Variants in CSGALNACT2 observed in about 807,000 individuals in gnomAD.
CSGALNACT2 encodes the protein beta 4 GalNAcT-2.
CSGALNACT2 carries 35 observed loss-of-function variants against 55.3 expected under a neutral mutation model. The ratio of observed to expected loss-of-function variants is 0.63; its 90% confidence interval spans 0.48 to 0.84. The LOEUF (loss-of-function observed/expected upper bound fraction) is 0.84. Ranked by LOEUF, CSGALNACT2 falls within the 40% of genes least tolerant of loss-of-function variation. CSGALNACT2 has a pLI of 0.00. For missense variants in CSGALNACT2, 544 were observed against 657.5 expected, an observed-to-expected ratio of 0.83 and a Z score of 1.89; for synonymous variants, 196 against 224.9, an observed-to-expected ratio of 0.87 and a Z score of 1.15.
intron 5 of CSGALNACT2, among the ~76,000 whole-genome samples, chr10:43,166,513 G>A (rs752884602): frequency 2.0e-5 from 3 of 152,116 alleles, no homozygotes; most frequent in African/African-American, 4.8e-5. Context: ...TTGTCTTCCC[G>A]ACTTTTCCAG....
At chr10:43,141,684 G>A (rs1338782139) in intron 1 of CSGALNACT2, among the ~76,000 whole-genome samples, 8 of 142,454 alleles carry the variant, frequency 5.6e-5, no homozygotes, top group African/African-American at 2.1e-4. Context: ...GACATGCAAA[G>A]TAGATCTAGA....
In CSGALNACT2 at chr10:43,169,931, A is replaced by C. The variant is rs72783218; in HGVS notation, c.1254+2833A>C. ...TGATTCTAGAATTCATATTCAACCT[A>C]CTATTTTAGGACAAAATAGACATTT... On this transcript the variant is annotated intron_variant, in intron 6 of 7. Transcript: ENST00000374466. Among the ~76,000 whole-genome samples, 1,013 of 152,300 alleles carry C rather than the reference A, an allele frequency of 6.7e-3. 8 individuals carry two copies. The highest frequency in any genetic ancestry group is 0.014 in the Middle Eastern group (4 of 294).
chr10:43,179,282 T>C (rs1049481338), intron 7 of CSGALNACT2, among the ~76,000 whole-genome samples: 34 of 151,772 alleles, frequency 2.2e-4, no homozygotes, highest in African/African-American at 7.5e-4. Context: ...ATGTCACATC[T>C]TCTTGTTTCT....
chr10:43,141,765 A>G (rs759651699), intron 1 of CSGALNACT2, among the ~76,000 whole-genome samples: 1 of 152,176 alleles, frequency 6.6e-6, no homozygotes. Flanking sequence ...AACCACAGAG[A>G]TAACAGAGAT....
chr10:43,146,585 C>A (rs1838753217), intron 1 of CSGALNACT2, among the ~76,000 whole-genome samples: 1 of 152,130 alleles, frequency 6.6e-6, no homozygotes. Flanking sequence ...AGCCATCCCA[C>A]CAGGTGTAGT....
chr10:43,182,730 A>T (rs1272520886), intron 7 of CSGALNACT2, among the ~76,000 whole-genome samples: 1 of 151,404 alleles, frequency 6.6e-6, no homozygotes, highest in African/African-American at 2.4e-5. Flanking sequence ...AAAAAAAAAA[A>T]GCTGAGTATG....
chr10:43,164,537 T>C (rs1839218416), intron 5 of CSGALNACT2, among the ~76,000 whole-genome samples: 1 of 152,178 alleles, frequency 6.6e-6, no homozygotes, highest in Admixed American at 6.5e-5. Flanking sequence ...TTGCTTTAAG[T>C]TGTAGATATT....
At chr10:43,150,895 T>A (rs535916246) in intron 1 of CSGALNACT2, among the ~76,000 whole-genome samples, 1 of 152,328 alleles carries the variant, frequency 6.6e-6, no homozygotes, top group East Asian at 1.9e-4. Flanking sequence ...TATTTTTGAT[T>A]CTTTTTTCTT....
At chr10:43,172,336 C>T (rs1395285991) in intron 6 of CSGALNACT2, among the ~76,000 whole-genome samples, 2 of 152,084 alleles carry the variant, frequency 1.3e-5, no homozygotes, top group African/African-American at 4.8e-5. Flanking sequence ...CGGGAAATAG[C>T]GTATCTATAT....
At chr10:43,146,984 TTTTTTGTGG>T (rs1465392688) in intron 1 of CSGALNACT2, among the ~76,000 whole-genome samples, 1 of 31,612 alleles carries the variant, frequency 3.2e-5, no homozygotes, top group African/African-American at 1.6e-4. Context: ...TTTTTTTTTT[TTTTTTGTGG>T]AGACGGGAGT....
intron 4 of CSGALNACT2, chr10:43,163,136 A>T: frequency 2.0e-6 from 2 of 985,138 alleles, no homozygotes; most frequent in Non-Finnish European, 2.4e-6. Flanking sequence ...TGACCTTTAC[A>T]CTCACCACTG....
At chr10:43,150,003 G>A (rs1199993749) in intron 1 of CSGALNACT2, among the ~76,000 whole-genome samples, 1 of 152,154 alleles carries the variant, frequency 6.6e-6, no homozygotes, top group African/African-American at 2.4e-5. Context: ...GGAGGCGGAG[G>A]TTGCGGTGAG....
At chr10:43,167,313 G>A (rs1162747258) in intron 6 of CSGALNACT2, among the ~76,000 whole-genome samples, 2 of 152,162 alleles carry the variant, frequency 1.3e-5, no homozygotes, top group Non-Finnish European at 2.9e-5. Context: ...TAAGTGTAGG[G>A]GGAGCAGAGT....
At chr10:43,164,111 T>G in intron 5 of CSGALNACT2, 67 bp downstream of exon 5, 1 of 1,302,760 alleles carries the variant, frequency 7.7e-7, no homozygotes, top group Non-Finnish European at 1.0e-6. Context: ...TCCTATAGTT[T>G]GAATCAAGTG....
intron 4 of CSGALNACT2, chr10:43,162,403 T>A (rs1277657477): frequency 2.3e-5 from 23 of 984,042 alleles, no homozygotes; most frequent in Non-Finnish European, 2.8e-5. Flanking sequence ...AAGCCTGGTC[T>A]CCACCCCTAG....
chr10:43,147,274 C>T (rs1179799612), intron 1 of CSGALNACT2, among the ~76,000 whole-genome samples: 4 of 152,120 alleles, frequency 2.6e-5, no homozygotes, highest in East Asian at 1.9e-4. Context: ...CGCGCCCGGC[C>T]GAGCATCTTT....
intron 7 of CSGALNACT2, among the ~76,000 whole-genome samples, chr10:43,179,102 A>G (rs972514611): frequency 1.3e-5 from 2 of 151,980 alleles, no homozygotes; most frequent in African/African-American, 4.8e-5. Context: ...TTAATACTCT[A>G]TGTGATGAAA....
At chr10:43,170,086 G>C (rs758160996) in intron 6 of CSGALNACT2, among the ~76,000 whole-genome samples, 12 of 152,142 alleles carry the variant, frequency 7.9e-5, no homozygotes, top group Non-Finnish European at 1.2e-4. Context: ...AAAAAATTAA[G>C]TCTAAACATT....
intron 1 of CSGALNACT2, among the ~76,000 whole-genome samples, chr10:43,147,192 G>T (rs375798893): frequency 1.3e-5 from 2 of 151,536 alleles, no homozygotes; most frequent in African/African-American, 4.8e-5. Context: ...AGCCGGGATG[G>T]TCTCGATCTC....
Sources: gnomAD v4.1 joint callset for allele counts (sites outside exome capture counted in the v4.1 genomes callset) on GRCh38, gnomAD v4.1.1 for gene constraint, MANE v1.5 for transcripts, NCBI Gene and HGNC (gene_info 2026-07-23, HGNC 2026-07-21) for gene names.